CDKAL1: variants seen among roughly 807,000 people sequenced by gnomAD.
The protein encoded by CDKAL1 is CDKAL1 threonylcarbamoyladenosine tRNA methylthiotransferase.
In CDKAL1, 32 loss-of-function variants were observed where a neutral mutation model predicts 68.2. The ratio of observed to expected loss-of-function variants is 0.47; its 90% CI spans 0.35 to 0.63. CDKAL1 has a LOEUF of 0.63. Among genes scored for constraint, CDKAL1 ranks in the 30% least tolerant of loss-of-function variants. CDKAL1 has a pLI of 0.00. For synonymous variants in CDKAL1, 234 were observed against 244.3 expected (o/e 0.96, Z 0.39); for missense variants, 606 against 696.7 (o/e 0.87, Z 1.47).
rs1471987186 is a variant in CDKAL1, at chr6:21,185,706, ATTTGG to A, written c.1300-12314_1300-12310del. 3.2e-4 allele frequency among the ~76,000 whole-genome samples: 48 copies of A among 152,292 alleles called. 1 individual carries two copies. Among genetic ancestry groups the A allele is most frequent in the African/African-American group, 1.2e-3 (48 of 41,558 alleles). On this transcript the variant is annotated intron_variant, in intron 13 of 15. Coordinates refer to ENST00000274695, the MANE Select transcript of CDKAL1 (RefSeq NM_017774.3). ...TGCAATAAAATTTGTTAGAATTTCA[ATTTGG>A]CTTCATTAAGTCTGAGACAGTGAAG...
intron 11 of CDKAL1, among the ~76,000 whole-genome samples, chr6:21,063,274 C>A (rs1039291836): frequency 6.6e-6 from 1 of 152,038 alleles, no homozygotes; most frequent in Non-Finnish European, 1.5e-5. Flanking sequence ...AGCCATTTTC[C>A]CTATTGTTTA....
At chr6:20,934,827 AAGAG>A (rs557042936) in intron 9 of CDKAL1, among the ~76,000 whole-genome samples, 3 of 151,794 alleles carry the variant, frequency 2.0e-5, no homozygotes, top group Non-Finnish European at 4.4e-5. Context: ...CAGCCTGTGC[AAGAG>A]AGAGAGAGAC....
At chr6:20,935,799 C>T (rs777531774) in intron 9 of CDKAL1, among the ~76,000 whole-genome samples, 24 of 152,130 alleles carry the variant, frequency 1.6e-4, no homozygotes, top group Admixed American at 1.2e-3. Flanking sequence ...ACAACTCCTG[C>T]GCTCAAGCGA....
At chr6:20,889,718 A>G (rs1175676905) in intron 9 of CDKAL1, among the ~76,000 whole-genome samples, 2 of 152,056 alleles carry the variant, frequency 1.3e-5, no homozygotes, top group Admixed American at 1.3e-4. Context: ...ATTGGTCTAT[A>G]TCTCTGTTTT....
intron 4 of CDKAL1, among the ~76,000 whole-genome samples, chr6:20,649,050 G>C (rs2179553): frequency 6.6e-6 from 1 of 152,074 alleles, no homozygotes; most frequent in Non-Finnish European, 1.5e-5. Context: ...AGCATTGAAA[G>C]TAAAGGAAGA....
At chr6:21,214,520 C>T (rs979963635) in intron 15 of CDKAL1, among the ~76,000 whole-genome samples, 1 of 151,824 alleles carries the variant, frequency 6.6e-6, no homozygotes, top group Non-Finnish European at 1.5e-5. Flanking sequence ...GAGGGCCTTT[C>T]CAACTGCTGG....
At chr6:20,964,077 A>G (rs149629471) in intron 10 of CDKAL1, among the ~76,000 whole-genome samples, 4 of 152,308 alleles carry the variant, frequency 2.6e-5, no homozygotes, top group Non-Finnish European at 4.4e-5. Flanking sequence ...ATCACCGATC[A>G]TTAGAGAAAT....
chr6:21,084,121 C>T (rs756788385), intron 12 of CDKAL1, among the ~76,000 whole-genome samples: 3 of 152,120 alleles, frequency 2.0e-5, no homozygotes, highest in Non-Finnish European at 2.9e-5. Flanking sequence ...AAACTCAAAA[C>T]TCTCAGTGGT....
chr6:20,855,062 G>A (rs997851845), intron 9 of CDKAL1, among the ~76,000 whole-genome samples: 7 of 152,182 alleles, frequency 4.6e-5, no homozygotes, highest in African/African-American at 1.4e-4. Context: ...AGTGGTGAGG[G>A]ATAGAGTAGG....
intron 4 of CDKAL1, among the ~76,000 whole-genome samples, chr6:20,626,680 G>A (rs1167779758): frequency 6.6e-6 from 1 of 152,118 alleles, no homozygotes; most frequent in African/African-American, 2.4e-5. Context: ...TGCCAACATT[G>A]ACTTAGCTGC....
At chr6:20,939,447 G>A (rs1415985664) in intron 9 of CDKAL1, among the ~76,000 whole-genome samples, 2 of 152,166 alleles carry the variant, frequency 1.3e-5, no homozygotes, top group African/African-American at 4.8e-5. Context: ...GAGTTTTGTA[G>A]AATATTTAAG....
intron 2 of CDKAL1, among the ~76,000 whole-genome samples, chr6:20,537,614 CAAAA>C (rs543824204): frequency 2.5e-5 from 3 of 120,256 alleles, no homozygotes; most frequent in Non-Finnish European, 3.7e-5. Context: ...CTCATAATTA[CAAAA>C]AAAAAAAAAA....
At chr6:21,017,166 T>G (rs1000654960) in intron 11 of CDKAL1, among the ~76,000 whole-genome samples, 2 of 152,246 alleles carry the variant, frequency 1.3e-5, no homozygotes, top group African/African-American at 4.8e-5. Flanking sequence ...TTTGATTGCA[T>G]GCATATGTCC....
chr6:20,660,048 C>T (rs1769214345), intron 5 of CDKAL1, among the ~76,000 whole-genome samples: 1 of 152,080 alleles, frequency 6.6e-6, no homozygotes, highest in Non-Finnish European at 1.5e-5. Flanking sequence ...CCTCCACCCA[C>T]CCCACATTAA....
rs911996474 is a variant in CDKAL1, at chr6:21,140,872, G to A, written c.1299+32409G>A. On this transcript the variant is annotated intron_variant, in intron 13 of 15. Coordinates refer to ENST00000274695, the MANE Select transcript of CDKAL1 (RefSeq NM_017774.3). ...CTTACAGTTCCACATGGCTGGGGAG[G>A]CCTCCGAATCATGGCGGGAGGCAAA... Among the ~76,000 whole-genome samples, 6 of 152,186 alleles carry A rather than the reference G, an allele frequency of 3.9e-5. No individual in the cohort carries two copies. In the East Asian group the frequency reaches 1.2e-3, roughly 29 times the overall value.
intron 13 of CDKAL1, among the ~76,000 whole-genome samples, chr6:21,153,397 G>A (rs1028186738): frequency 2.0e-5 from 3 of 152,006 alleles, no homozygotes; most frequent in Non-Finnish European, 2.9e-5. Context: ...ATAAGTTAGC[G>A]AACATATGTG....
intron 9 of CDKAL1, among the ~76,000 whole-genome samples, chr6:20,856,315 G>A (rs1429029111): frequency 6.6e-6 from 1 of 152,216 alleles, no homozygotes; most frequent in Admixed American, 6.5e-5. Flanking sequence ...GATTATGCCT[G>A]ATGAAATTCC....
At chr6:20,760,550 A>G (rs1437550279) in intron 7 of CDKAL1, among the ~76,000 whole-genome samples, 1 of 152,196 alleles carries the variant, frequency 6.6e-6, no homozygotes. Context: ...ACACAGGTGC[A>G]TACAGCTAGT....
chr6:21,226,043 C>G (rs1218817733), intron 15 of CDKAL1, among the ~76,000 whole-genome samples: 2 of 152,160 alleles, frequency 1.3e-5, no homozygotes, highest in African/African-American at 4.8e-5. Context: ...CCTGAGAATC[C>G]TCAGATGGAG....
Sources: allele counts gnomAD v4.1 joint callset (sites outside exome capture counted in the v4.1 genomes callset), GRCh38; gene constraint gnomAD v4.1.1; transcripts MANE v1.5; gene names NCBI Gene and HGNC (gene_info 2026-07-23, HGNC 2026-07-21).